The following KMT2D variants were observed in gnomAD, a reference collection of about 807,000 sequenced individuals.
KMT2D encodes lysine methyltransferase 2D.
KMT2D carries 55 observed loss-of-function variants against 512.7 expected under a neutral mutation model. That is an observed-to-expected ratio of 0.11 (90% confidence interval 0.09 to 0.13). KMT2D has a LOEUF of 0.13. Ranked by LOEUF, KMT2D falls within the 10% of genes least tolerant of loss-of-function variation. The pLI is 1.00. For missense variants in KMT2D, 6,061 were observed against 7,127.9 expected (o/e 0.85, Z 5.39); for synonymous variants, 2,995 against 2,904.0 (o/e 1.03, Z -1.01).
rs751800185 is a variant in KMT2D, at chr12:49,026,570, C to T, written c.15396G>A (p.Leu5132=). The part of the protein sequence containing the change: ...KCMFFKDKTM[L]CPMHKIKGPC... ...GCCCCTTGATCTTATGCATTGGACA[C>T]AGCATGGTCTTGTCCTTGAAGAACA... is the stretch of plus-strand genomic sequence containing the variant. The change falls in exon 49 of 55, where the codon CTG becomes CTA. Residue 5132 remains leucine, a synonymous_variant. Coordinates refer to ENST00000301067, the MANE Select transcript of KMT2D (RefSeq NM_003482.4). The surrounding 1 kb of genome is among the most constrained non-coding windows in gnomAD (Gnocchi z 9.6). The T allele has an allele frequency of 1.2e-6, 2 of 1,614,040 alleles. No individual in the cohort carries two copies. Among genetic ancestry groups the T allele is most frequent in the South Asian group, 2.2e-5 (2 of 91,086 alleles).
In KMT2D at chr12:49,040,519, G is replaced by A. The variant is rs759825289; in HGVS notation, c.7251C>T (p.Ser2417=). The change falls in exon 32 of 55, where the codon TCC becomes TCT. Residue 2417 remains serine, a synonymous_variant. Coordinates refer to ENST00000301067, the MANE Select transcript of KMT2D (RefSeq NM_003482.4). ...PFSRVPASPQ[S]QSSSQSPLTP... is the part of the protein sequence containing the mutation. ...TCAGTGGAGACTGGGAGCTGGACTGGGACTGAGGACTGGCAGGCACTCGGG... is the reference window on the plus strand; with the variant it reads ...TCAGTGGAGACTGGGAGCTGGACTGAGACTGAGGACTGGCAGGCACTCGGG... 7.5e-6 allele frequency: 12 copies of A among 1,601,214 alleles called. No homozygotes were observed. The highest frequency in any genetic ancestry group is 1.0e-5 in the Non-Finnish European group (12 of 1,171,758).
rs201114196 is a variant in KMT2D, at chr12:49,040,469, G to C, written c.7301C>G (p.Ala2434Gly). Reference protein sequence around the residue: ...PLTPRPLSAEAFCPSPVTPRF... With the variant: ...PLTPRPLSAEGFCPSPVTPRF... ...AGGGGTAACGGGTGATGGGCAAAAA[G>C]CTTCAGCAGACAGAGGCCGGGGTGT... Residue 2434 changes from alanine (A) to glycine (G), a missense_variant, in exon 32 of 55, where the codon GCT becomes GGT. Physicochemically the swap from Ala to Gly is moderately conservative, Grantham distance 60. Around this residue, in one of 16 missense-constraint regions of KMT2D, gnomAD observed 710 missense variants for 647.3 expected, o/e 1.10. Transcript: ENST00000301067. 1 of 1,566,260 alleles carries C rather than the reference G, an allele frequency of 6.4e-7. No homozygotes were observed. Among genetic ancestry groups the C allele is most frequent in the Non-Finnish European group, 8.7e-7 (1 of 1,154,754 alleles).
intron 1 of KMT2D, among the ~76,000 whole-genome samples, chr12:49,058,885 T>C (rs1938569994): frequency 6.6e-6 from 1 of 151,998 alleles, no homozygotes; most frequent in African/African-American, 2.4e-5. Flanking sequence ...TCCTCTATAA[T>C]CCTCTGGAGA....
In KMT2D at chr12:49,042,165, C is replaced by A. The variant is rs1247545411; in HGVS notation, c.6033G>T (p.Glu2011Asp). Residue 2011 changes from glutamate (E) to aspartate (D), a missense_variant, in exon 29 of 55, where the codon GAG becomes GAT. Coordinates refer to ENST00000301067, the MANE Select transcript of KMT2D (RefSeq NM_003482.4). This position sits in a 1 kb window ranked among gnomAD's most constrained non-coding sequence, Gnocchi z 4.4. ...RSLQRWEKDE[E>D]LGQLSTISPV... ...GTGAGATGGTGGACAGCTGGCCCAA[C>A]TCCTCATCCTTCTCCCAGCGCTGAA... The A allele has an allele frequency of 2.5e-6, 4 of 1,612,848 alleles. No individual in the cohort carries two copies. The highest frequency in any genetic ancestry group is 1.1e-5 in the South Asian group (1 of 90,716).
rs1199147085 is a variant in KMT2D at position 49,050,663 on chromosome 12, G to C, written c.2925C>G (p.Ala975=). 1 of 1,613,606 alleles carries C rather than the reference G, an allele frequency of 6.2e-7. No individual in the cohort carries two copies. Among genetic ancestry groups the C allele is most frequent in the South Asian group, 1.1e-5 (1 of 91,070 alleles). Residue 975 remains alanine, a synonymous_variant, in exon 12 of 55, where the codon GCC becomes GCG. Transcript: ENST00000301067. Reference sequence around the variant, plus strand: ...GGCTGATGGGTGTCTCCAGGATGGGGGCAGCCAACGGTGACTCAGGGTCAC... The same window carrying C: ...GGCTGATGGGTGTCTCCAGGATGGGCGCAGCCAACGGTGACTCAGGGTCAC... The part of the protein sequence containing the change: ...GDSDPESPLA[A]PILETPISPP...
Position 49,050,408 on chromosome 12 carries a change from C to G in KMT2D, c.3180G>C (p.Lys1060Asn), listed in dbSNP as rs201568916. 6.2e-7 allele frequency: 1 copy of G among 1,613,668 alleles called. No homozygotes were observed. Residue 1060 changes from lysine to asparagine, a missense_variant, in exon 12 of 55, where the codon AAG becomes AAC. By Grantham distance (94) the Lys-to-Asn change is moderately conservative. Around this residue, in one of 16 missense-constraint regions of KMT2D, gnomAD observed 447 missense variants for 500.1 expected, o/e 0.89. Transcript: ENST00000301067. Reference protein sequence around the residue: ...SVPSPLSPIGKVVGVSDEAEL... With the variant: ...SVPSPLSPIGNVVGVSDEAEL... ...CAGCCTCATCTGAGACCCCCACTACCTTCCCTATGGGACTCAACGGGGAGG... is the reference window on the plus strand; with the variant it reads ...CAGCCTCATCTGAGACCCCCACTACGTTCCCTATGGGACTCAACGGGGAGG...
chr12:49,044,098 G>T lies in KMT2D; in HGVS notation c.5189-100C>A, dbSNP rs1351543296. On this transcript the variant is annotated intron_variant, in intron 22 of 54. Coordinates refer to ENST00000301067, the MANE Select transcript of KMT2D (RefSeq NM_003482.4). The surrounding 1 kb of genome is among the most constrained non-coding windows in gnomAD (Gnocchi z 6.4). ...CTACTCTCTCCCACAACACCAGCTG[G>T]GTCTACCACCCTCTTGGCCCTTTCA... 6.3e-7 allele frequency: 1 copy of T among 1,589,632 alleles called. No individual in the cohort carries two copies.
chr12:49,024,543 A>T lies in KMT2D; in HGVS notation c.16052+35T>A, dbSNP rs1389220582. ...CCAGAGGATCCCTGTCAACACCCACACCCACATCCCTTGGCTCCAGCATCA... is the reference window on the plus strand; with the variant it reads ...CCAGAGGATCCCTGTCAACACCCACTCCCACATCCCTTGGCTCCAGCATCA... On this transcript the variant is annotated intron_variant, in intron 51 of 54. Transcript: ENST00000301067. The surrounding 1 kb of genome is among the most constrained non-coding windows in gnomAD (Gnocchi z 4.5). The T allele has an allele frequency of 1.3e-6, 2 of 1,577,412 alleles. No individual in the cohort carries two copies. The highest frequency in any genetic ancestry group is 1.4e-5 in the African/African-American group (1 of 73,980).
rs1942650014 is a variant in KMT2D at position 49,027,279 on chromosome 12, T to C, written c.14687A>G (p.Tyr4896Cys). The C allele has an allele frequency of 6.4e-7, 1 of 1,552,544 alleles. No homozygotes were observed. The highest frequency in any genetic ancestry group is 8.7e-7 in the Non-Finnish European group (1 of 1,152,308). ...TCGCACATCCAGATTGGAGACATTG[T>C]AGGTATAGCTGTGCTGAGTGGGTGG... Reference protein sequence around the residue: ...PEPPTQHSYTYNVSNLDVRQL... With the variant: ...PEPPTQHSYTCNVSNLDVRQL... Residue 4896 changes from tyrosine to cysteine, a missense_variant, in exon 49 of 55, where the codon TAC becomes TGC. Tyr to Cys is a radical substitution (Grantham distance 194). This residue lies in a region of KMT2D where 1,600 missense variants were observed against 1,754.9 expected (regional missense o/e 0.91). Coordinates refer to ENST00000301067, the MANE Select transcript of KMT2D (RefSeq NM_003482.4).
In KMT2D at chr12:49,053,037, T is replaced by C. The variant is rs1592159463; in HGVS notation, c.990A>G (p.Ser330=). The part of the protein sequence containing the change: ...CRVCRACGAG[S]AELNPNSEWF... Reference sequence around the variant, plus strand: ...ACTCCGAGTTGGGATTCAGTTCTGCTGAGCCCGCCCCACAGGCCCGGCACA... The same window carrying C: ...ACTCCGAGTTGGGATTCAGTTCTGCCGAGCCCGCCCCACAGGCCCGGCACA... Residue 330 remains serine, a synonymous_variant, in exon 9 of 55, where the codon TCA becomes TCG. Coordinates refer to ENST00000301067, the MANE Select transcript of KMT2D (RefSeq NM_003482.4). The C allele has an allele frequency of 6.2e-7, 1 of 1,614,046 alleles. No individual in the cohort carries two copies. Among genetic ancestry groups the C allele is most frequent in the South Asian group, 1.1e-5 (1 of 91,088 alleles).
chr12:49,042,964 GTCCAGGACTC>G lies in KMT2D; in HGVS notation c.5645-96_5645-87del, dbSNP rs1333933631. 5 of 1,579,630 alleles carry G rather than the reference GTCCAGGACTC, an allele frequency of 3.2e-6. No homozygotes were observed. Among genetic ancestry groups the G allele is most frequent in the Middle Eastern group, 1.7e-4 (1 of 6,018 alleles). The stretch of plus-strand genomic sequence containing the variant: ...CTACAAATGATCATGGCCAGGAACA[GTCCAGGACTC>G]CCCACCAGAGAAGCTGTACAGATCA... On this transcript the variant is annotated intron_variant, in intron 26 of 54. Transcript: ENST00000301067. This position sits in a 1 kb window ranked among gnomAD's most constrained non-coding sequence, Gnocchi z 4.4.
Position 49,032,749 on chromosome 12 carries a change from A to C in KMT2D, c.11956T>G (p.Ser3986Ala). 6.3e-7 allele frequency: 1 copy of C among 1,588,542 alleles called. No homozygotes were observed. The highest frequency in any genetic ancestry group is 8.6e-7 in the Non-Finnish European group (1 of 1,166,990). ...TGCTGCTGCTGTTGTTGCTGAGGAGACAGTAAAGTTCGACTCTGGTTTAAA... is the reference window on the plus strand; with the variant it reads ...TGCTGCTGCTGTTGTTGCTGAGGAGCCAGTAAAGTTCGACTCTGGTTTAAA... ...GLLNQSRTLLSPQQQQQQQVA... is the reference protein window; with the variant it reads ...GLLNQSRTLLAPQQQQQQQVA... Residue 3986 changes from serine to alanine, a missense_variant, in exon 40 of 55, where the codon TCT (serine) becomes GCT (alanine). Physicochemically the swap from Ser to Ala is moderately conservative, Grantham distance 99 (BLOSUM62 1). Coordinates refer to ENST00000301067, the MANE Select transcript of KMT2D (RefSeq NM_003482.4).
In KMT2D at chr12:49,046,719, G is replaced by A. The variant is rs778549346; in HGVS notation, c.4308C>T (p.Ala1436=). 6.2e-7 allele frequency: 1 copy of A among 1,613,918 alleles called. No individual in the cohort carries two copies. The highest frequency in any genetic ancestry group is 8.5e-7 in the Non-Finnish European group (1 of 1,179,870). ...ECIVCEVCGQ[A]SDPSRLLLCD... Reference sequence around the variant, plus strand: ...AGAGCAGCAGGCGTGAGGGGTCGGAGGCCTGGCCACACACCTCACACACAA... The same window carrying A: ...AGAGCAGCAGGCGTGAGGGGTCGGAAGCCTGGCCACACACCTCACACACAA... The change falls in exon 16 of 55, where the codon GCC becomes GCT. Residue 1436 remains alanine, a synonymous_variant. Transcript: ENST00000301067. This position sits in a 1 kb window ranked among gnomAD's most constrained non-coding sequence, Gnocchi z 4.2.
rs750348927 is a variant in KMT2D, at chr12:49,040,950, A to G, written c.6820T>C (p.Ser2274Pro). 5 of 1,612,312 alleles carry G rather than the reference A, an allele frequency of 3.1e-6. No homozygotes were observed. Among genetic ancestry groups the G allele is most frequent in the Non-Finnish European group, 4.2e-6 (5 of 1,179,018 alleles). ...CGGGACTCCCCAAAAGGTGGGGGCG[A>G]GAGCAGGGGCTCGGAAGCTTTGCCT... Reference protein sequence around the residue: ...GGGKASEPLLSPPPFGESRKA... With the variant: ...GGGKASEPLLPPPPFGESRKA... The change falls in exon 32 of 55, where the codon TCG becomes CCG. Residue 2274 changes from serine to proline, a missense_variant. By Grantham distance (74) the Ser-to-Pro change is moderately conservative. This residue lies in a region of KMT2D where 710 missense variants were observed against 647.3 expected (regional missense o/e 1.10). Transcript: ENST00000301067.
rs747583918 is a variant in KMT2D, at chr12:49,049,756, C to A, written c.3832G>T (p.Ala1278Ser). The A allele has an allele frequency of 6.2e-7, 1 of 1,610,772 alleles. No homozygotes were observed. Among genetic ancestry groups the A allele is most frequent in the Non-Finnish European group, 8.5e-7 (1 of 1,177,214 alleles). Reference sequence around the variant, plus strand: ...CCCTCAGCTTTGCCTCCGCTGATAGCTGTCCCAGCATCGCACAATAGTGAG... The same window carrying A: ...CCCTCAGCTTTGCCTCCGCTGATAGATGTCCCAGCATCGCACAATAGTGAG... ...DDSLLCDAGTAISGGKAEGEK... is the reference protein window; with the variant it reads ...DDSLLCDAGTSISGGKAEGEK... The change falls in exon 12 of 55, where the codon GCT becomes TCT. Residue 1278 changes from alanine to serine, a missense_variant. Transcript: ENST00000301067.
rs1171062164 is a variant in KMT2D at position 49,032,470 on chromosome 12, G to C, written c.12235C>G (p.Gln4079Glu). Residue 4079 changes from glutamine to glutamate, a missense_variant, in exon 40 of 55, where the codon CAA becomes GAA. Gln to Glu is a conservative substitution (Grantham distance 29). Transcript: ENST00000301067. The stretch of plus-strand genomic sequence containing the variant: ...CTGGGCTGAGGCTGGGGCTGGGGTT[G>C]GACAAGCAGGAGTTGTGAGTCCCCA... ...LSGDSQLLLV[Q>E]PQPQPQPSSL... 2.6e-6 allele frequency: 4 copies of C among 1,566,604 alleles called. No individual in the cohort carries two copies. In the East Asian group the frequency reaches 7.2e-5, roughly 28 times the overall value.
Position 49,051,502 on chromosome 12 carries a change from T to C in KMT2D, c.2181A>G (p.Pro727=), listed in dbSNP as rs925177534. 1.9e-6 allele frequency: 3 copies of C among 1,613,022 alleles called. No individual in the cohort carries two copies. Among genetic ancestry groups the C allele is most frequent in the Non-Finnish European group, 2.5e-6 (3 of 1,179,554 alleles). The change falls in exon 11 of 55, where the codon CCA becomes CCG. Residue 727 remains proline, a synonymous_variant. Coordinates refer to ENST00000301067, the MANE Select transcript of KMT2D (RefSeq NM_003482.4). The stretch of plus-strand genomic sequence containing the variant: ...GGCAGAGTTGCGGCTCCTCAGGTAG[T>C]GGCAACAGGGGTGACTCCTCCAGCG... ...SLPLEESPLL[P]LPEEPQLCPR...
chr12:49,048,938 T>C (rs1205841549), intron 13 of KMT2D, among the ~76,000 whole-genome samples, 167 bp downstream of exon 13: 1 of 152,234 alleles, frequency 6.6e-6, no homozygotes, highest in African/African-American at 2.4e-5. Context: ...CTCAGTCTGA[T>C]AGCAGAGATT....
At chr12:49,023,016 G>A (rs1942400574) in intron 51 of KMT2D, 141 bp from the exon 52 acceptor site, 1 of 931,468 alleles carries the variant, frequency 1.1e-6, no homozygotes, top group Non-Finnish European at 1.6e-6. Context: ...GTGCAGCCTT[G>A]GGAAAGGAGT....
Sources: gnomAD v4.1 joint callset for allele counts (sites outside exome capture counted in the v4.1 genomes callset) on GRCh38, gnomAD v4.1.1 for gene constraint, gnomAD v4.1.1 regional missense constraint, Gnocchi (gnomAD v3.1) non-coding constraint, MANE v1.5 for transcripts, NCBI Gene and HGNC (gene_info 2026-07-23, HGNC 2026-07-21) for gene names.